OR2H2: variants seen among roughly 807,000 people sequenced by gnomAD.
The protein encoded by OR2H2 is olfactory receptor 2H2.
For missense variants in OR2H2, 295 were observed against 313.7 expected (o/e 0.94, Z 0.45); for synonymous variants, 146 against 132.4 (o/e 1.10, Z -0.71).
At position 29,588,766 on chromosome 6, in the gene OR2H2, C is replaced by A. The variant is rs776876582; in HGVS notation, c.822C>A (p.Leu274=). Residue 274 remains leucine, a synonymous_variant, in exon 2 of 2, where the codon CTC becomes CTA. Transcript: ENST00000641840. The stretch of plus-strand genomic sequence containing the variant: ...AAGAGAGGGGCAAGTTCTTTGGTCT[C>A]TTCTATGCAGTGGGCACTCCTTCAC... The part of the protein sequence containing the change: ...YAQERGKFFG[L]FYAVGTPSLN... The A allele has an allele frequency of 4.8e-6, 5 of 1,050,192 alleles. No individual in the cohort carries two copies. The highest frequency in any genetic ancestry group is 2.1e-4 in the Middle Eastern group (1 of 4,738). 65.1% of individuals were successfully genotyped at this position (1,050,192 alleles called of 1,614,324 possible). A position where few individuals can be genotyped will look rare whatever the true frequency, so the allele number is the denominator to read the frequency against.
chr6:29,588,945 T>G lies in OR2H2; in HGVS notation c.*62T>G. The stretch of plus-strand genomic sequence containing the variant: ...TTCTATGTGCTTTTATCAGAAAGTT[T>G]GAGTTCCCTGCCCCTCTGCCTTCTT... On this transcript the variant is annotated 3_prime_UTR_variant, in exon 2 of 2. Coordinates refer to ENST00000641840, the MANE Select transcript of OR2H2 (RefSeq NM_007160.4). 1 of 717,492 alleles carries G rather than the reference T, an allele frequency of 1.4e-6. No individual in the cohort carries two copies. The highest frequency in any genetic ancestry group is 2.5e-5 in the East Asian group (1 of 40,302). 44.4% of individuals were successfully genotyped at this position (717,492 alleles called of 1,614,324 possible).
At position 29,588,458 on chromosome 6, in the gene OR2H2, GTGGA is replaced by G. The variant is rs1463535952; in HGVS notation, c.517_520del (p.Asp173IlefsTer9). 7 of 1,318,180 alleles carry G rather than the reference GTGGA, an allele frequency of 5.3e-6. No individual in the cohort carries two copies. Among genetic ancestry groups the G allele is most frequent in the Non-Finnish European group, 7.7e-6 (7 of 910,590 alleles). 81.7% of individuals were successfully genotyped at this position (1,318,180 alleles called of 1,614,324 possible). On this transcript the variant is annotated frameshift_variant, in exon 2 of 2. Coordinates refer to ENST00000641840, the MANE Select transcript of OR2H2 (RefSeq NM_007160.4). LOFTEE classifies it low-confidence loss of function (END_TRUNC). The stretch of plus-strand genomic sequence containing the variant: ...CCTGCCCTTCTGCCCCGATCGGCAG[GTGGA>G]TGATTTTGTCTGTGAGGTCCCAGCT...
At position 29,587,867 on chromosome 6, in the gene OR2H2, A is replaced by G; in HGVS notation, c.-78A>G. On this transcript the variant is annotated 5_prime_UTR_variant, in exon 2 of 2. Transcript: ENST00000641840. ...ACCTGCTGTGACCTCACAAACACCC[A>G]GGCTGAGTTTTGATAAGACAGGTTG... 1.4e-6 allele frequency: 1 copy of G among 695,110 alleles called. No homozygotes were observed. Among genetic ancestry groups the G allele is most frequent in the East Asian group, 2.5e-5 (1 of 40,608 alleles). 43.1% of individuals were successfully genotyped at this position (695,110 alleles called of 1,614,324 possible). A position where few individuals can be genotyped will look rare whatever the true frequency, so the allele number is the denominator to read the frequency against.
rs771312590 is a variant in OR2H2 at position 29,588,642 on chromosome 6, G to A, written c.698G>A (p.Arg233Lys). The change falls in exon 2 of 2, where the codon AGG becomes AAG. Residue 233 changes from arginine (R) to lysine (K), a missense_variant. By Grantham distance (26) the Arg-to-Lys change is conservative. Coordinates refer to ENST00000641840, the MANE Select transcript of OR2H2 (RefSeq NM_007160.4). ...AGGATTAACTCTGCAAAAGGGCGGA[G>A]GAAAGCTTTTGGGACCTGCTCCTCC... Reference protein sequence around the residue: ...VLRINSAKGRRKAFGTCSSHL... With the variant: ...VLRINSAKGRKKAFGTCSSHL... 2.1e-6 allele frequency: 3 copies of A among 1,405,194 alleles called. No homozygotes were observed. The highest frequency in any genetic ancestry group is 1.8e-4 in the Middle Eastern group (1 of 5,520). 87.0% of individuals were successfully genotyped at this position (1,405,194 alleles called of 1,614,324 possible).
intron 1 of OR2H2, among the ~76,000 whole-genome samples, chr6:29,586,866 A>G (rs571960971): frequency 6.6e-6 from 1 of 152,004 alleles, no homozygotes; most frequent in Non-Finnish European, 1.5e-5. Context: ...TGGCCTTCCT[A>G]AGGTCCTGTA....
rs754692453 is a variant in OR2H2 at position 29,588,201 on chromosome 6, C to T, written c.257C>T (p.Pro86Leu). 6.6e-7 allele frequency: 1 copy of T among 1,504,346 alleles called. No individual in the cohort carries two copies. The highest frequency in any genetic ancestry group is 1.1e-5 in the South Asian group (1 of 88,686). 93.2% of individuals were successfully genotyped at this position (1,504,346 alleles called of 1,614,324 possible). Residue 86 changes from proline to leucine, a missense_variant, in exon 2 of 2, where the codon CCA (proline) becomes CTA (leucine). Transcript: ENST00000641840. ...VPQMLVNLWG[P>L]KKTISFLDCS... is the part of the protein sequence containing the mutation. ...CAAATGCTGGTCAACCTCTGGGGCC[C>T]AAAGAAGACCATCAGCTTCCTGGAC... is the stretch of plus-strand genomic sequence containing the variant.
At position 29,587,872 on chromosome 6, in the gene OR2H2, G is replaced by C. The variant is rs557014724; in HGVS notation, c.-73G>C. The stretch of plus-strand genomic sequence containing the variant: ...CTGTGACCTCACAAACACCCAGGCT[G>C]AGTTTTGATAAGACAGGTTGAATCA... On this transcript the variant is annotated 5_prime_UTR_variant, in exon 2 of 2. Coordinates refer to ENST00000641840, the MANE Select transcript of OR2H2 (RefSeq NM_007160.4). 1.4e-6 allele frequency: 1 copy of C among 696,294 alleles called. No homozygotes were observed. The highest frequency in any genetic ancestry group is 1.8e-5 in the African/African-American group (1 of 56,616). The allele number at this position is 696,294 out of a possible 1,614,324, so 43.1% of individuals were successfully genotyped here.
At chr6:29,585,623 T>C (rs534322525) in intron 1 of OR2H2, among the ~76,000 whole-genome samples, 56 of 152,296 alleles carry the variant, frequency 3.7e-4, no homozygotes, top group African/African-American at 1.3e-3. Context: ...ACAGCAAGGG[T>C]AGCTCATGGT....
At chr6:29,586,376 C>T (rs539198211) in intron 1 of OR2H2, among the ~76,000 whole-genome samples, 247 of 151,550 alleles carry the variant, frequency 1.6e-3, no homozygotes, top group Middle Eastern at 0.014. Context: ...CTGTAATCCC[C>T]GCTACTTGGG....
intron 1 of OR2H2, among the ~76,000 whole-genome samples, chr6:29,585,579 G>A (rs1760189797): frequency 6.6e-6 from 1 of 152,220 alleles, no homozygotes; most frequent in Non-Finnish European, 1.5e-5. Context: ...TGTTCAGGGA[G>A]TTGTTTATCA....
intron 1 of OR2H2, 47 bp from the exon 2 acceptor site, chr6:29,587,623 T>G (rs373106017): frequency 4.2e-4 from 126 of 300,814 alleles, no homozygotes; most frequent in Non-Finnish European, 6.9e-4. Flanking sequence ...ATGAATGAAT[T>G]AATGAATTAG....
In OR2H2 at chr6:29,590,122, C is replaced by T. The variant is rs1165213757; in HGVS notation, c.*1239C>T. 1 of 152,080 alleles carries T rather than the reference C, an allele frequency of 6.6e-6. No individual in the cohort carries two copies. Among genetic ancestry groups the T allele is most frequent in the African/African-American group, 2.4e-5 (1 of 41,380 alleles). The allele number at this position is 152,080 out of a possible 1,614,324, so 9.4% of individuals were successfully genotyped here. On this transcript the variant is annotated 3_prime_UTR_variant, in exon 2 of 2. Transcript: ENST00000641840. ...TCAAAAAATGGTCAAAGTCAGGAACCCCCTGCAATTTACACATATTGACTT... is the reference window on the plus strand; with the variant it reads ...TCAAAAAATGGTCAAAGTCAGGAACTCCCTGCAATTTACACATATTGACTT...
intron 1 of OR2H2, 74 bp downstream of exon 1, chr6:29,585,424 G>C (rs1760177930): frequency 6.6e-6 from 1 of 152,154 alleles, no homozygotes; most frequent in Non-Finnish European, 1.5e-5. Flanking sequence ...GACCAGATTT[G>C]GAGTTAAACT....
chr6:29,588,055 A>G lies in OR2H2; in HGVS notation c.111A>G (p.Leu37=), dbSNP rs1448384674. 1.1e-6 allele frequency: 1 copy of G among 949,480 alleles called. No homozygotes were observed. The highest frequency in any genetic ancestry group is 1.7e-6 in the Non-Finnish European group (1 of 571,800). 58.8% of individuals were successfully genotyped at this position (949,480 alleles called of 1,614,324 possible). ...TCCTCACTTCCTACCTCCTAACCCT[A>G]GTGGGCAACACACTCATCATCCTGC... ...VVVLTSYLLT[L]VGNTLIILLS... Residue 37 remains leucine (L), a synonymous_variant, in exon 2 of 2, where the codon CTA becomes CTG. Transcript: ENST00000641840.
Position 29,585,344 on chromosome 6 carries a change from A to G in OR2H2, c.-282A>G, listed in dbSNP as rs1477069454. 1 of 152,182 alleles carries G rather than the reference A, an allele frequency of 6.6e-6. No homozygotes were observed. The highest frequency in any genetic ancestry group is 6.5e-5 in the Admixed American group (1 of 15,282). 9.4% of individuals were successfully genotyped at this position (152,182 alleles called of 1,614,324 possible). Reference sequence around the variant, plus strand: ...TGGTACCAGAAGAGATTTTTATTTGATTGAAGGTAAGCAGAACCTTTGCTC... The same window carrying G: ...TGGTACCAGAAGAGATTTTTATTTGGTTGAAGGTAAGCAGAACCTTTGCTC... On this transcript the variant is annotated 5_prime_UTR_variant, in exon 1 of 2. Coordinates refer to ENST00000641840, the MANE Select transcript of OR2H2 (RefSeq NM_007160.4).
chr6:29,588,796 C>T lies in OR2H2; in HGVS notation c.852C>T (p.Asn284=). Residue 284 remains asparagine, a synonymous_variant, in exon 2 of 2, where the codon AAC becomes AAT. Coordinates refer to ENST00000641840, the MANE Select transcript of OR2H2 (RefSeq NM_007160.4). The part of the protein sequence containing the change: ...LFYAVGTPSL[N]PLIYTLRNKE... The stretch of plus-strand genomic sequence containing the variant: ...ATGCAGTGGGCACTCCTTCACTTAA[C>T]CCTCTCATATACACCCTGAGGAACA... 1 of 846,658 alleles carries T rather than the reference C, an allele frequency of 1.2e-6. No homozygotes were observed. The highest frequency in any genetic ancestry group is 2.1e-6 in the Non-Finnish European group (1 of 479,276). 52.4% of individuals were successfully genotyped at this position (846,658 alleles called of 1,614,324 possible). A position where few individuals can be genotyped will look rare whatever the true frequency, so the allele number is the denominator to read the frequency against.
chr6:29,589,035 A>C lies in OR2H2; in HGVS notation c.*152A>C, dbSNP rs191884729. The C allele has an allele frequency of 4.5e-5, 27 of 604,384 alleles. No homozygotes were observed. In the African/African-American group the frequency reaches 4.6e-4, roughly 10 times the overall value. The allele number at this position is 604,384 out of a possible 1,614,324, so 37.4% of individuals were successfully genotyped here. A position where few individuals can be genotyped will look rare whatever the true frequency, so the allele number is the denominator to read the frequency against. On this transcript the variant is annotated 3_prime_UTR_variant, in exon 2 of 2. Coordinates refer to ENST00000641840, the MANE Select transcript of OR2H2 (RefSeq NM_007160.4). ...TCTGTGTGTGTGCATGTATGTGTGC[A>C]AGAGACAGCGACTGAAATGTAGTAA...
intron 1 of OR2H2, among the ~76,000 whole-genome samples, chr6:29,586,311 C>G (rs1490785860): frequency 1.3e-5 from 2 of 151,786 alleles, no homozygotes; most frequent in African/African-American, 2.4e-5. Flanking sequence ...GCCAACATGG[C>G]GAAACCCCGT....
At chr6:29,587,375 ATC>A (rs1319321867) in intron 1 of OR2H2, 3 of 152,456 alleles carry the variant, frequency 2.0e-5, no homozygotes, top group African/African-American at 7.2e-5. Flanking sequence ...ACAAAACAAA[ATC>A]TCTCTCATAG....
Sources: gnomAD v4.1 joint callset for allele counts (sites outside exome capture counted in the v4.1 genomes callset) on GRCh38, gnomAD v4.1.1 for gene constraint, MANE v1.5 for transcripts, NCBI Gene and HGNC (gene_info 2026-07-23, HGNC 2026-07-21) for gene names.